The following ZMYM2 variants were observed in gnomAD, a reference collection of about 807,000 sequenced individuals.
ZMYM2 encodes zinc finger MYM-type protein 2.
ZMYM2 carries 56 observed loss-of-function variants against 162.8 expected under a neutral mutation model. That is an observed-to-expected ratio of 0.34 (90% CI 0.28 to 0.43). The LOEUF (loss-of-function observed/expected upper bound fraction) is 0.43. Among genes scored for constraint, ZMYM2 ranks in the 20% least tolerant of loss-of-function variants. The pLI, the probability that ZMYM2 is intolerant of heterozygous loss-of-function variation, is 1.00. For missense variants in ZMYM2, 1,275 were observed against 1,621.8 expected (o/e 0.79, Z 3.67); for synonymous variants, 510 against 541.6 (o/e 0.94, Z 0.81).
At chr13:20,067,212 A>G (rs920756796) in intron 20 of ZMYM2, 27 bp from the exon 21 acceptor site, 3 of 1,508,996 alleles carry the variant, frequency 2.0e-6, no homozygotes, top group South Asian at 2.6e-5. Context: ...AATAATAACA[A>G]TTATTTTTTA....
chr13:19,900,032 G>A, the ZMYM2 span, among the ~76,000 whole-genome samples: 2 of 151,928 alleles, frequency 1.3e-5, no homozygotes, highest in African/African-American at 4.8e-5. Context: ...CAGGCCAGGT[G>A]AGATGGCTCA....
the ZMYM2 span, among the ~76,000 whole-genome samples, chr13:19,915,888 C>G: frequency 6.9e-6 from 1 of 145,438 alleles, no homozygotes; most frequent in African/African-American, 2.5e-5. Context: ...GAGGTGGAGT[C>G]TCACTCTGTT....
intron 16 of ZMYM2, 80 bp downstream of exon 16, chr13:20,059,642 A>G: frequency 1.4e-6 from 1 of 740,532 alleles, no homozygotes; most frequent in Admixed American, 2.2e-5. Context: ...TGACCCTTGA[A>G]CAACAAGAGT....
At chr13:20,054,999 T>G (rs74451661) in intron 14 of ZMYM2, among the ~76,000 whole-genome samples, 33 of 123,906 alleles carry the variant, frequency 2.7e-4, no homozygotes, top group Non-Finnish European at 4.6e-4. Context: ...TGGGGTTGTT[T>G]TTTTTTTTTT....
intron 12 of ZMYM2, among the ~76,000 whole-genome samples, chr13:20,050,228 G>GA (rs1332116231): frequency 7.5e-4 from 110 of 146,026 alleles, no homozygotes; most frequent in Middle Eastern, 3.5e-3. Context: ...CTGACCTGGA[G>GA]AAAAAAAAAA....
intron 3 of ZMYM2, among the ~76,000 whole-genome samples, chr13:19,995,685 CTTT>C (rs918776964): frequency 6.6e-6 from 1 of 151,296 alleles, no homozygotes; most frequent in Non-Finnish European, 1.5e-5. Context: ...AGCCCCCCAC[CTTT>C]TTTTTTGAAG....
intron 2 of ZMYM2, among the ~76,000 whole-genome samples, chr13:19,986,140 T>G (rs561757356): frequency 6.6e-6 from 1 of 152,224 alleles, no homozygotes; most frequent in African/African-American, 2.4e-5. Context: ...AGTGTTGCAG[T>G]GAGCCTAGAT....
the ZMYM2 span, among the ~76,000 whole-genome samples, chr13:19,877,477 GC>G: frequency 6.6e-6 from 1 of 152,180 alleles, no homozygotes; most frequent in East Asian, 1.9e-4. Flanking sequence ...GTAAGAACCT[GC>G]CTCCTTGGGA....
At chr13:19,978,766 T>C (rs533680083) in intron 2 of ZMYM2, among the ~76,000 whole-genome samples, 2 of 152,302 alleles carry the variant, frequency 1.3e-5, no homozygotes, top group South Asian at 4.1e-4. Flanking sequence ...AAAAATTAAT[T>C]ATAAACCTAA....
At chr13:20,010,673 C>T (rs1040726586) in intron 6 of ZMYM2, among the ~76,000 whole-genome samples, 2 of 151,950 alleles carry the variant, frequency 1.3e-5, no homozygotes, top group Non-Finnish European at 2.9e-5. Context: ...TGGAGTCTCC[C>T]TCTGTTGCCC....
chr13:20,006,587 G>A lies in ZMYM2; in HGVS notation c.1512+1G>A, dbSNP rs770555082. 1 of 1,613,420 alleles carries A rather than the reference G, an allele frequency of 6.2e-7. No individual in the cohort carries two copies. Among genetic ancestry groups the A allele is most frequent in the Non-Finnish European group, 8.5e-7 (1 of 1,179,616 alleles). ...AAGTTGTGTCAGTGAATACAAACAGGTAATTCATGTTCTAATCAAAATTGG... is the reference window on the plus strand; with the variant it reads ...AAGTTGTGTCAGTGAATACAAACAGATAATTCATGTTCTAATCAAAATTGG... On this transcript the variant is annotated splice_donor_variant, in intron 6 of 24. Coordinates refer to ENST00000610343, the MANE Select transcript of ZMYM2 (RefSeq NM_197968.4). LOFTEE classifies it high-confidence loss of function.
intron 12 of ZMYM2, among the ~76,000 whole-genome samples, chr13:20,042,222 G>C (rs1199362306): frequency 6.6e-6 from 1 of 152,026 alleles, no homozygotes; most frequent in Non-Finnish European, 1.5e-5. Flanking sequence ...GTCTCTTTAC[G>C]TAATGCCATA....
At chr13:20,074,298 C>G (rs1191340592) in intron 21 of ZMYM2, among the ~76,000 whole-genome samples, 1 of 151,206 alleles carries the variant, frequency 6.6e-6, no homozygotes, top group African/African-American at 2.4e-5. Flanking sequence ...GTGGCATGAA[C>G]TTTGCTTAGT....
intron 2 of ZMYM2, among the ~76,000 whole-genome samples, chr13:19,968,232 C>T (rs1955985496): frequency 6.6e-6 from 1 of 152,168 alleles, no homozygotes; most frequent in Non-Finnish European, 1.5e-5. Context: ...ACCTCCTTCA[C>T]TTCCCCTCGC....
At chr13:20,056,863 A>G (rs1477714739) in intron 14 of ZMYM2, among the ~76,000 whole-genome samples, 4 of 152,172 alleles carry the variant, frequency 2.6e-5, no homozygotes, top group Admixed American at 2.6e-4. Context: ...GCTACTGAGA[A>G]CATGCCTTGA....
chr13:19,890,742 G>C, the ZMYM2 span, among the ~76,000 whole-genome samples: 6 of 151,454 alleles, frequency 4.0e-5, no homozygotes, highest in East Asian at 1.9e-4. Context: ...CATGGTGGCA[G>C]GTGCCTGTAG....
the ZMYM2 span, among the ~76,000 whole-genome samples, chr13:19,935,299 G>A: frequency 6.6e-6 from 1 of 150,934 alleles, no homozygotes; most frequent in Non-Finnish European, 1.5e-5. Flanking sequence ...ACACCCAGAT[G>A]ATTTTTTTGT....
At chr13:19,989,895 A>G (rs1326732303) in intron 2 of ZMYM2, among the ~76,000 whole-genome samples, 3 of 152,120 alleles carry the variant, frequency 2.0e-5, no homozygotes, top group East Asian at 3.9e-4. Context: ...TCATGTCAGT[A>G]AGAGATCTTG....
At chr13:20,034,010 T>C (rs1234661220) in intron 10 of ZMYM2, among the ~76,000 whole-genome samples, 2 of 152,240 alleles carry the variant, frequency 1.3e-5, no homozygotes, top group Non-Finnish European at 2.9e-5. Flanking sequence ...TATCATCTTA[T>C]TTAGTGATAC....
Sources: allele counts gnomAD v4.1 joint callset (sites outside exome capture counted in the v4.1 genomes callset), GRCh38; gene constraint gnomAD v4.1.1; transcripts MANE v1.5; gene names NCBI Gene and HGNC (gene_info 2026-07-23, HGNC 2026-07-21).